Variants in SCMH1 observed in about 807,000 individuals in gnomAD.
The protein encoded by SCMH1 is polycomb protein SCMH1.
Under a neutral mutation model 70.8 loss-of-function variants are expected in SCMH1, and 37 were observed. The ratio of observed to expected loss-of-function variants is 0.52; its 90% CI spans 0.40 to 0.69. SCMH1 has a LOEUF of 0.69. Ranked by LOEUF, SCMH1 falls within the 30% of genes least tolerant of loss-of-function variation. SCMH1 has a pLI of 0.00. For missense variants in SCMH1, 607 were observed against 827.3 expected (o/e 0.73, Z 3.27); for synonymous variants, 292 against 307.4 (o/e 0.95, Z 0.52).
At chr1:41,064,411 T>C (rs1653861242) in intron 10 of SCMH1, among the ~76,000 whole-genome samples, 1 of 152,010 alleles carries the variant, frequency 6.6e-6, no homozygotes, top group South Asian at 2.1e-4. Context: ...AGACAAAAAG[T>C]AAGATAAAAA....
chr1:41,180,246 A>G (rs1052896172), intron 2 of SCMH1, among the ~76,000 whole-genome samples: 2 of 152,182 alleles, frequency 1.3e-5, no homozygotes, highest in Non-Finnish European at 2.9e-5. Flanking sequence ...TGACAAACCC[A>G]CAGCCAATAT....
At chr1:41,120,202 T>C (rs920693207) in intron 6 of SCMH1, among the ~76,000 whole-genome samples, 1 of 152,124 alleles carries the variant, frequency 6.6e-6, no homozygotes, top group Admixed American at 6.6e-5. Flanking sequence ...ATTTTTGAGG[T>C]AGGGGTTACT....
chr1:41,143,326 A>G (rs939924200), intron 5 of SCMH1, among the ~76,000 whole-genome samples: 1 of 152,234 alleles, frequency 6.6e-6, no homozygotes, highest in East Asian at 1.9e-4. Context: ...CATACCAGTT[A>G]AAAAAAGGAC....
intron 1 of SCMH1, among the ~76,000 whole-genome samples, chr1:41,227,399 A>G (rs1231878518): frequency 1.3e-5 from 2 of 152,242 alleles, no homozygotes; most frequent in African/African-American, 4.8e-5. Flanking sequence ...TGTAAAAATT[A>G]TATTATTGAG....
At chr1:41,045,597 C>G (rs1646798677) in intron 12 of SCMH1, 1 of 152,286 alleles carries the variant, frequency 6.6e-6, no homozygotes, top group Non-Finnish European at 1.5e-5. Context: ...CCTGTGCCCT[C>G]CCATCAACAG....
At chr1:41,161,699 A>G (rs1388297144) in intron 2 of SCMH1, among the ~76,000 whole-genome samples, 1 of 152,246 alleles carries the variant, frequency 6.6e-6, no homozygotes, top group Admixed American at 6.5e-5. Context: ...AGTATTTTGA[A>G]GCTGTTAAAT....
chr1:41,106,574 G>A (rs1365367799), intron 8 of SCMH1, among the ~76,000 whole-genome samples: 1 of 151,874 alleles, frequency 6.6e-6, no homozygotes, highest in African/African-American at 2.4e-5. Flanking sequence ...ATGCTCATAA[G>A]GTAAAAATCC....
chr1:41,067,458 CAAA>C (rs60607308), intron 10 of SCMH1, among the ~76,000 whole-genome samples: 22 of 60,242 alleles, frequency 3.7e-4, no homozygotes, highest in African/African-American at 7.2e-4. Context: ...ACAACAACAA[CAAA>C]AAAAAAAAAA....
At chr1:41,061,307 A>G (rs909432817) in intron 10 of SCMH1, among the ~76,000 whole-genome samples, 3 of 152,342 alleles carry the variant, frequency 2.0e-5, no homozygotes, top group African/African-American at 7.2e-5. Context: ...TTAAAAAACC[A>G]AGACCCAAGT....
At chr1:41,121,261 A>T (rs2147956349) in intron 6 of SCMH1, among the ~76,000 whole-genome samples, 1 of 152,352 alleles carries the variant, frequency 6.6e-6, no homozygotes, top group Admixed American at 6.5e-5. Context: ...GAAAAAACTG[A>T]GGCTTAGAGA....
chr1:41,237,931 AAGG>A (rs1662724335), intron 1 of SCMH1, among the ~76,000 whole-genome samples: 1 of 152,226 alleles, frequency 6.6e-6, no homozygotes, highest in Non-Finnish European at 1.5e-5. Flanking sequence ...TGAAGGAAGA[AAGG>A]AACTAATATT....
chr1:41,141,403 A>G (rs1226464576), intron 6 of SCMH1, among the ~76,000 whole-genome samples: 2 of 152,254 alleles, frequency 1.3e-5, no homozygotes, highest in African/African-American at 4.8e-5. Context: ...AGATCTGTCA[A>G]GAAAAATGTC....
Position 41,160,904 on chromosome 1 carries a change from A to G in SCMH1, c.83-6T>C. On this transcript the variant is annotated splice_region_variant and splice_polypyrimidine_tract_variant and intron_variant, in intron 3 of 14. Transcript: ENST00000337495. ...ATCCAGGATGTCAGCAGCTTCTAGT[A>G]AAGAAAAAAATGTTGGAGCATAAGT... 1 of 1,550,130 alleles carries G rather than the reference A, an allele frequency of 6.5e-7. No homozygotes were observed.
intron 8 of SCMH1, among the ~76,000 whole-genome samples, chr1:41,098,187 T>C (rs1289548072): frequency 6.6e-6 from 1 of 152,212 alleles, no homozygotes. Context: ...TTGACAACTA[T>C]TTCACAAGCA....
chr1:41,204,842 C>T (rs1256012097), intron 1 of SCMH1, among the ~76,000 whole-genome samples: 1 of 152,036 alleles, frequency 6.6e-6, no homozygotes, highest in Non-Finnish European at 1.5e-5. Flanking sequence ...TGGAATAGTG[C>T]CTGGTGTAAG....
intron 10 of SCMH1, among the ~76,000 whole-genome samples, chr1:41,052,586 C>T (rs1291570252): frequency 6.6e-6 from 1 of 152,110 alleles, no homozygotes; most frequent in Non-Finnish European, 1.5e-5. Context: ...GATCATATCC[C>T]CGTGATTAAG....
At chr1:41,046,549 G>A in exon 12 of SCMH1, 1 of 1,614,216 alleles carries the variant, frequency 6.2e-7, no homozygotes, top group Non-Finnish European at 8.5e-7. Flanking sequence ...CGTAGGTGAT[G>A]CTGTTGACTG....
chr1:41,046,850 T>G (rs1646943207), intron 11 of SCMH1, among the ~76,000 whole-genome samples: 1 of 152,200 alleles, frequency 6.6e-6, no homozygotes, highest in African/African-American at 2.4e-5. Flanking sequence ...CTGGAATGAT[T>G]TTATTCAACT....
At chr1:41,074,090 T>A (rs1001105955) in intron 9 of SCMH1, among the ~76,000 whole-genome samples, 2 of 151,480 alleles carry the variant, frequency 1.3e-5, no homozygotes, top group African/African-American at 2.4e-5. Flanking sequence ...TTTTTTTTTT[T>A]TATATCAATG....
Sources: allele counts gnomAD v4.1 joint callset (sites outside exome capture counted in the v4.1 genomes callset), GRCh38; gene constraint gnomAD v4.1.1; transcripts MANE v1.5; gene names NCBI Gene and HGNC (gene_info 2026-07-23, HGNC 2026-07-21).